The following ADARB2 variants were observed in gnomAD, a reference collection of about 807,000 sequenced individuals.
The protein encoded by ADARB2 is adenosine deaminase RNA specific B2 (inactive).
A neutral mutation model predicts 62.2 loss-of-function variants in ADARB2; 25 were observed. The observed-to-expected ratio is 0.40, with a 90% CI of 0.29 to 0.56. The LOEUF is 0.56. ADARB2 is among the 20% of genes least tolerant of loss of function. The probability of loss-of-function intolerance (pLI) is 0.43; values close to 1 mark genes in which losing one functional copy is unlikely to be tolerated. For synonymous variants in ADARB2, 572 were observed against 500.8 expected (o/e 1.14, Z -1.90); for missense variants, 1,071 against 1,077.4 (o/e 0.99, Z 0.08).
chr10:1,403,982 T>G (rs1023173623), intron 1 of ADARB2, among the ~76,000 whole-genome samples: 2 of 151,520 alleles, frequency 1.3e-5, no homozygotes, highest in Non-Finnish European at 3.0e-5. Context: ...GGAGCGACAT[T>G]GCACCCCAGG....
At chr10:1,371,146 T>G (rs1294791157) in intron 2 of ADARB2, among the ~76,000 whole-genome samples, 1 of 152,204 alleles carries the variant, frequency 6.6e-6, no homozygotes, top group Non-Finnish European at 1.5e-5. Flanking sequence ...GTGGTCCGTC[T>G]CCAGCCATCT....
At chr10:1,359,674 C>A (rs1832232449) in intron 3 of ADARB2, among the ~76,000 whole-genome samples, 1 of 152,200 alleles carries the variant, frequency 6.6e-6, no homozygotes, top group East Asian at 1.9e-4. Flanking sequence ...CTTTGGGAGG[C>A]CCTGCTTCCT....
At chr10:1,375,865 A>G (rs1832421081) in intron 2 of ADARB2, among the ~76,000 whole-genome samples, 1 of 144,260 alleles carries the variant, frequency 6.9e-6, no homozygotes, top group Non-Finnish European at 1.5e-5. Context: ...CATGCACATG[A>G]CACACATGCA....
intron 1 of ADARB2, among the ~76,000 whole-genome samples, chr10:1,382,301 C>A (rs974451558): frequency 6.6e-6 from 1 of 152,156 alleles, no homozygotes; most frequent in African/African-American, 2.4e-5. Flanking sequence ...CAAACTGAAG[C>A]AAAGGAAACA....
chr10:1,593,203 T>C (rs1055613682), intron 1 of ADARB2, among the ~76,000 whole-genome samples: 1,408 of 38,154 alleles, frequency 0.037, no homozygotes, highest in Middle Eastern at 0.14. Context: ...CCCAGCTCCC[T>C]TCGCCCAAGC....
rs193122426 is a variant in ADARB2 at position 1,350,288 on chromosome 10, T to G, written c.1077+12740A>C. On this transcript the variant is annotated intron_variant, in intron 3 of 9. Coordinates refer to ENST00000381312, the MANE Select transcript of ADARB2 (RefSeq NM_018702.4). ...AATGCAACTCATCCCAAATCTTCCTTCTTTCCCTCCCCTCAGTCCCAATCC... is the reference window on the plus strand; with the variant it reads ...AATGCAACTCATCCCAAATCTTCCTGCTTTCCCTCCCCTCAGTCCCAATCC... 4.3e-3 allele frequency among the ~76,000 whole-genome samples: 648 copies of G among 152,204 alleles called. 6 individuals carry two copies. The highest frequency in any genetic ancestry group is 0.015 in the African/African-American group (618 of 41,510).
At chr10:1,405,075 C>G (rs1453826774) in intron 1 of ADARB2, among the ~76,000 whole-genome samples, 1 of 152,190 alleles carries the variant, frequency 6.6e-6, no homozygotes, top group Non-Finnish European at 1.5e-5. Context: ...GCTCCCAGAG[C>G]CTGTGGGGTC....
intron 8 of ADARB2, among the ~76,000 whole-genome samples, chr10:1,196,899 G>A (rs1462704666): frequency 2.0e-5 from 3 of 152,166 alleles, no homozygotes; most frequent in Admixed American, 6.5e-5. Context: ...ACCACGCTTA[G>A]CTAAGACTGC....
intron 1 of ADARB2, among the ~76,000 whole-genome samples, chr10:1,436,010 A>G (rs1830831422): frequency 6.6e-6 from 1 of 152,198 alleles, no homozygotes; most frequent in African/African-American, 2.4e-5. Flanking sequence ...GTTGAATGAA[A>G]TTATGTACGA....
intron 1 of ADARB2, among the ~76,000 whole-genome samples, chr10:1,452,953 C>G (rs751886024): frequency 3.3e-5 from 5 of 152,232 alleles, no homozygotes; most frequent in African/African-American, 9.6e-5. Flanking sequence ...CCTGGTGGGC[C>G]GCGCAGAGCC....
At chr10:1,190,219 C>T (rs143050374) in intron 8 of ADARB2, among the ~76,000 whole-genome samples, 1 of 152,036 alleles carries the variant, frequency 6.6e-6, no homozygotes, top group African/African-American at 2.4e-5. Flanking sequence ...ACACAGATAC[C>T]CCAGTGCTGT....
intron 3 of ADARB2, among the ~76,000 whole-genome samples, chr10:1,327,323 T>G (rs113743141): frequency 2.5e-5 from 1 of 40,702 alleles, no homozygotes; most frequent in Non-Finnish European, 5.0e-5. Context: ...ACCTCCTCAC[T>G]GCACAGCGCC....
At chr10:1,268,310 G>A (rs1831226917) in intron 4 of ADARB2, among the ~76,000 whole-genome samples, 1 of 152,120 alleles carries the variant, frequency 6.6e-6, no homozygotes, top group Non-Finnish European at 1.5e-5. Context: ...TCATTCAGAA[G>A]TTCTTTAGAA....
Position 1,692,043 on chromosome 10 carries a change from T to C in ADARB2, c.100+45008A>G, listed in dbSNP as rs1834680005. On this transcript the variant is annotated intron_variant, in intron 1 of 9. Transcript: ENST00000381312. ...CTGATGCACAGCACAGTGCCTGGCATACCTTTAGGGCTCAATAAACAGAAT... is the reference window on the plus strand; with the variant it reads ...CTGATGCACAGCACAGTGCCTGGCACACCTTTAGGGCTCAATAAACAGAAT... Among the ~76,000 whole-genome samples the C allele has an allele frequency of 2.0e-5, 3 of 152,362 alleles. No individual in the cohort carries two copies. The South Asian group carries it at 6.2e-4, about 32-fold the overall frequency.
intron 1 of ADARB2, among the ~76,000 whole-genome samples, chr10:1,697,460 G>A (rs996855913): frequency 2.0e-5 from 3 of 152,122 alleles, no homozygotes; most frequent in Non-Finnish European, 2.9e-5. Flanking sequence ...TGGAGGCATC[G>A]ATGCACAAGA....
At chr10:1,266,018 A>AG (rs1206435291) in intron 4 of ADARB2, among the ~76,000 whole-genome samples, 4 of 115,572 alleles carry the variant, frequency 3.5e-5, no homozygotes, top group Admixed American at 8.5e-5. Flanking sequence ...ACGGCCTGAG[A>AG]GGGGGGCCCA....
intron 8 of ADARB2, among the ~76,000 whole-genome samples, chr10:1,185,433 C>G (rs1222568239): frequency 1.3e-5 from 2 of 152,322 alleles, no homozygotes; most frequent in Admixed American, 1.3e-4. Context: ...AGGCAAAACA[C>G]CGGGGCTAGT....
At chr10:1,467,486 T>A (rs1831267685) in intron 1 of ADARB2, among the ~76,000 whole-genome samples, 1 of 152,170 alleles carries the variant, frequency 6.6e-6, no homozygotes, top group Admixed American at 6.5e-5. Context: ...ACCGCGTTAT[T>A]TCTGGGCTGT....
intron 1 of ADARB2, among the ~76,000 whole-genome samples, chr10:1,613,326 AG>A (rs1833594019): frequency 1.3e-5 from 2 of 152,218 alleles, no homozygotes; most frequent in Admixed American, 6.5e-5. Context: ...ATTTTTTTTA[AG>A]CAAAAATATA....
Sources: allele counts gnomAD v4.1 joint callset (sites outside exome capture counted in the v4.1 genomes callset), GRCh38; gene constraint gnomAD v4.1.1; transcripts MANE v1.5; gene names NCBI Gene and HGNC (gene_info 2026-07-23, HGNC 2026-07-21).